MSH3: variants seen among roughly 807,000 people sequenced by gnomAD.
The protein encoded by MSH3 is DNA mismatch repair protein Msh3.
A neutral mutation model predicts 123.3 loss-of-function variants in MSH3; 106 were observed. The observed-to-expected ratio is 0.86, with a 90% CI of 0.73 to 1.01. MSH3 has a LOEUF of 1.01. MSH3 is among the 50% of genes least tolerant of loss of function. MSH3 has a pLI of 0.00. For synonymous variants in MSH3, 515 were observed against 481.4 expected (o/e 1.07, Z -0.91); for missense variants, 1,459 against 1,347.6 (o/e 1.08, Z -1.29).
At chr5:80,836,885 T>C (rs1745524569) in intron 20 of MSH3, among the ~76,000 whole-genome samples, 1 of 152,182 alleles carries the variant, frequency 6.6e-6, no homozygotes, top group Non-Finnish European at 1.5e-5. Flanking sequence ...TTGTATACCC[T>C]CTAAAAGGAT....
At chr5:80,874,479 A>C (rs1190912790) in intron 23 of MSH3, among the ~76,000 whole-genome samples, 1 of 152,230 alleles carries the variant, frequency 6.6e-6, no homozygotes, top group Non-Finnish European at 1.5e-5. Flanking sequence ...AAGCCAGATT[A>C]ATATAAAATT....
At chr5:80,658,790 G>T (rs1032462716) in intron 2 of MSH3, among the ~76,000 whole-genome samples, 1 of 152,100 alleles carries the variant, frequency 6.6e-6, no homozygotes, top group Non-Finnish European at 1.5e-5. Flanking sequence ...TAGAGACAGG[G>T]TTTTGCTGTG....
chr5:80,806,504 G>A (rs967759486), intron 19 of MSH3, among the ~76,000 whole-genome samples: 1 of 152,154 alleles, frequency 6.6e-6, no homozygotes, highest in Non-Finnish European at 1.5e-5. Flanking sequence ...TTTCCCATCA[G>A]TTTATGGAAT....
chr5:80,658,037 C>CTTTTTTTTTTTTTT lies in MSH3; in HGVS notation c.358+1519_358+1520insTTTTTTTTTTTTTT, dbSNP rs397942439. ...TTTTCCTAAGAATGCTTTTTGCCCT[C>CTTTTTTTTTTTTTT]TTTTTTTTTTTTTGAGATAGGGTCT... is the stretch of plus-strand genomic sequence containing the variant. On this transcript the variant is annotated intron_variant, in intron 2 of 23. Coordinates refer to ENST00000265081, the MANE Select transcript of MSH3 (RefSeq NM_002439.5). 6.5e-3 allele frequency among the ~76,000 whole-genome samples: 752 copies of CTTTTTTTTTTTTTT among 116,564 alleles called. 112 individuals carry two copies. Among genetic ancestry groups the CTTTTTTTTTTTTTT allele is most frequent in the African/African-American group, 0.016 (459 of 29,044 alleles). 76.5% of individuals were successfully genotyped at this position (116,564 alleles called of 152,430 possible).
At chr5:80,664,503 T>C (rs1749519800) in intron 2 of MSH3, among the ~76,000 whole-genome samples, 1 of 152,150 alleles carries the variant, frequency 6.6e-6, no homozygotes, top group Non-Finnish European at 1.5e-5. Flanking sequence ...CTGGGTTAGG[T>C]ACAGTACTCC....
chr5:80,773,741 T>G (rs1325132463), intron 15 of MSH3, among the ~76,000 whole-genome samples: 1 of 152,184 alleles, frequency 6.6e-6, no homozygotes, highest in Non-Finnish European at 1.5e-5. Context: ...TTTATTTAAA[T>G]GAATCATTGA....
intron 20 of MSH3, among the ~76,000 whole-genome samples, chr5:80,843,948 A>G (rs1392183653): frequency 2.6e-5 from 4 of 150,984 alleles, no homozygotes; most frequent in Non-Finnish European, 4.4e-5. Flanking sequence ...TTGCTTTTGA[A>G]TTTGTTTGCT....
chr5:80,791,088 T>C (rs1231850906), intron 18 of MSH3, among the ~76,000 whole-genome samples: 2 of 152,224 alleles, frequency 1.3e-5, no homozygotes, highest in South Asian at 4.1e-4. Context: ...CCTGTTTTGC[T>C]GAAAGATGTG....
chr5:80,728,925 C>A lies in MSH3; in HGVS notation c.1528C>A (p.Leu510Ile). 6.2e-7 allele frequency: 1 copy of A among 1,611,498 alleles called. No individual in the cohort carries two copies. The highest frequency in any genetic ancestry group is 8.5e-7 in the Non-Finnish European group (1 of 1,177,986). The change falls in exon 10 of 24, where the codon CTC becomes ATC. Residue 510 changes from leucine (L) to isoleucine (I), a missense_variant. Transcript: ENST00000265081. ...ICSLAAIIKY[L>I]KEFNLEKMLS... ...CTCTTTGGCTGCCATCATAAAATAC[C>A]TCAAAGAATTCAACTTGGAAAAGAT...
At chr5:80,874,112 G>A (rs1479796043) in intron 23 of MSH3, among the ~76,000 whole-genome samples, 1 of 152,024 alleles carries the variant, frequency 6.6e-6, no homozygotes, top group Non-Finnish European at 1.5e-5. Flanking sequence ...CTGGCTACTG[G>A]TGGTCCCTGT....
chr5:80,717,511 AAGTAGTTGGGTCT>A (rs1455721013), intron 8 of MSH3, among the ~76,000 whole-genome samples: 4 of 152,108 alleles, frequency 2.6e-5, no homozygotes, highest in Non-Finnish European at 4.4e-5. Flanking sequence ...TTAGCTTCCC[AAGTAGTTGGGTCT>A]ATAGGTGTGA....
chr5:80,865,065 A>G (rs1396286903), intron 22 of MSH3, 123 bp downstream of exon 22: 20 of 1,004,236 alleles, frequency 2.0e-5, no homozygotes, highest in Admixed American at 9.1e-5. Flanking sequence ...TATAAATAAC[A>G]TTTGTCAGGA....
rs2112885083 is a variant in MSH3 at position 80,768,838 on chromosome 5, T to G, written c.2088T>G (p.Val696=). Residue 696 remains valine, a synonymous_variant, in exon 15 of 24, where the codon GTT becomes GTG. Coordinates refer to ENST00000265081, the MANE Select transcript of MSH3 (RefSeq NM_002439.5). ...TTTGCATGTTTTGATTTTTTAGAGT[T>G]GGGGATAAAACTGAATTATTTAAAG... ...LKILNEQAAK[V]GDKTELFKDL... is the part of the protein sequence containing the mutation. 8 of 1,604,074 alleles carry G rather than the reference T, an allele frequency of 5.0e-6. No homozygotes were observed. The highest frequency in any genetic ancestry group is 6.8e-6 in the Non-Finnish European group (8 of 1,172,252).
Position 80,813,569 on chromosome 5 carries a change from C to G in MSH3, c.2656-15C>G. The G allele has an allele frequency of 6.2e-7, 1 of 1,613,838 alleles. No individual in the cohort carries two copies. The highest frequency in any genetic ancestry group is 2.2e-5 in the East Asian group (1 of 44,860). Reference sequence around the variant, plus strand: ...TTTTCTGGTACAATAAGTGAAATTCCTTTCTAATTTTCAGGAGGACTCAGA... The same window carrying G: ...TTTTCTGGTACAATAAGTGAAATTCGTTTCTAATTTTCAGGAGGACTCAGA... On this transcript the variant is annotated splice_polypyrimidine_tract_variant and intron_variant, in intron 19 of 23. Coordinates refer to ENST00000265081, the MANE Select transcript of MSH3 (RefSeq NM_002439.5).
intron 8 of MSH3, among the ~76,000 whole-genome samples, chr5:80,704,516 T>C (rs1242745921): frequency 1.3e-5 from 2 of 152,298 alleles, no homozygotes; most frequent in African/African-American, 4.8e-5. Flanking sequence ...TGTATGATTT[T>C]CCTGCTTTTG....
intron 20 of MSH3, among the ~76,000 whole-genome samples, chr5:80,836,882 C>T (rs902730850): frequency 6.6e-6 from 1 of 151,936 alleles, no homozygotes; most frequent in East Asian, 1.9e-4. Context: ...TGATTGTATA[C>T]CCTCTAAAAG....
In MSH3 at chr5:80,761,683, G is replaced by T; in HGVS notation, c.1896+5G>T. 1 of 1,614,040 alleles carries T rather than the reference G, an allele frequency of 6.2e-7. No homozygotes were observed. ...TGTAGCATTTATCACAAAAAAGTAA[G>T]TGTGATAGAAATCTATTAAAGCTGA... On this transcript the variant is annotated splice_donor_5th_base_variant and intron_variant, in intron 13 of 23. Coordinates refer to ENST00000265081, the MANE Select transcript of MSH3 (RefSeq NM_002439.5).
At chr5:80,779,041 G>C (rs1040349362) in intron 17 of MSH3, among the ~76,000 whole-genome samples, 5 of 150,036 alleles carry the variant, frequency 3.3e-5, no homozygotes, top group African/African-American at 1.2e-4. Flanking sequence ...ACCGAGGCTG[G>C]AGTGCAGTGG....
At chr5:80,742,456 G>C (rs768574941) in intron 11 of MSH3, among the ~76,000 whole-genome samples, 1 of 152,168 alleles carries the variant, frequency 6.6e-6, no homozygotes, top group African/African-American at 2.4e-5. Flanking sequence ...TCCTAACAAA[G>C]TAATAGAGAT....
Sources: allele counts gnomAD v4.1 joint callset (sites outside exome capture counted in the v4.1 genomes callset), GRCh38; gene constraint gnomAD v4.1.1; transcripts MANE v1.5; gene names NCBI Gene and HGNC (gene_info 2026-07-23, HGNC 2026-07-21).